Variants in MIA2 observed in about 807,000 individuals in gnomAD.
MIA2 encodes MIA SH3 domain ER export factor 2.
Under a neutral mutation model 167.8 loss-of-function variants are expected in MIA2, and 127 were observed. The observed-to-expected ratio is 0.76, with a 90% CI of 0.66 to 0.88. The LOEUF (loss-of-function observed/expected upper bound fraction) is 0.88, where lower values mean the gene tolerates loss of function less well. Ranked by LOEUF, MIA2 falls within the 40% of genes least tolerant of loss-of-function variation. The probability of loss-of-function intolerance (pLI) is 0.00; values close to 1 mark genes in which losing one functional copy is unlikely to be tolerated. For missense variants in MIA2, 1,690 were observed against 1,624.7 expected, an observed-to-expected ratio of 1.04 and a Z score of -0.69; for synonymous variants, 552 against 541.9, an observed-to-expected ratio of 1.02 and a Z score of -0.26.
At chr14:39,382,333 T>TA (rs2075182289) in intron 23 of MIA2, among the ~76,000 whole-genome samples, 2 of 152,184 alleles carry the variant, frequency 1.3e-5, no homozygotes, top group South Asian at 4.1e-4. Context: ...GGAAATTTGT[T>TA]AAAGGTCAGG....
At chr14:39,346,207 T>A (rs1408375335) in intron 26 of MIA2, among the ~76,000 whole-genome samples, 181 bp downstream of exon 26, 1 of 152,228 alleles carries the variant, frequency 6.6e-6, no homozygotes, top group Non-Finnish European at 1.5e-5. Context: ...GGCATCCAAA[T>A]ATATGTTGGT....
intron 25 of MIA2, among the ~76,000 whole-genome samples, chr14:39,339,470 ACT>A (rs973499775): frequency 1.4e-4 from 22 of 152,176 alleles, no homozygotes; most frequent in African/African-American, 4.3e-4. Flanking sequence ...TAAAATGTTA[ACT>A]CTATATTTTT....
intron 6 of MIA2, chr14:39,266,866 C>T (rs2055783656): frequency 2.6e-6 from 2 of 755,862 alleles, no homozygotes; most frequent in South Asian, 1.2e-4. Flanking sequence ...CGCCGAGACG[C>T]CTCTAGGAGA....
chr14:39,360,003 T>A (rs1006334541), intron 23 of MIA2, among the ~76,000 whole-genome samples: 12 of 151,542 alleles, frequency 7.9e-5, no homozygotes, highest in Non-Finnish European at 8.8e-5. Context: ...TTTTTTTTTT[T>A]TTTTTTTTGT....
intron 14 of MIA2, among the ~76,000 whole-genome samples, chr14:39,300,518 A>G (rs7157291): frequency 2.2e-3 from 341 of 152,234 alleles, no homozygotes; most frequent in African/African-American, 7.7e-3. Context: ...AAGTGTATCA[A>G]ATAATGATAT....
intron 23 of MIA2, among the ~76,000 whole-genome samples, chr14:39,360,982 GT>G (rs2074670030): frequency 6.6e-6 from 1 of 152,064 alleles, no homozygotes; most frequent in African/African-American, 2.4e-5. Context: ...TTATTTCTGG[GT>G]TCTCTACTCT....
chr14:39,266,067 T>C, intron 6 of MIA2: 1 of 985,458 alleles, frequency 1.0e-6, no homozygotes, highest in Non-Finnish European at 1.2e-6. Flanking sequence ...ATTTTTTAAA[T>C]GGCATAACAG....
At chr14:39,273,866 TTCC>T (rs1366790656) in intron 6 of MIA2, among the ~76,000 whole-genome samples, 1 of 152,232 alleles carries the variant, frequency 6.6e-6, no homozygotes, top group Non-Finnish European at 1.5e-5. Context: ...GAAGTATTTC[TTCC>T]TCCTCTATGT....
intron 9 of MIA2, among the ~76,000 whole-genome samples, chr14:39,282,319 T>C (rs1438803517): frequency 1.3e-5 from 2 of 152,244 alleles, no homozygotes; most frequent in Non-Finnish European, 2.9e-5. Flanking sequence ...CAGATAACTT[T>C]GATTTTGTTT....
intron 24 of MIA2, among the ~76,000 whole-genome samples, chr14:39,322,564 A>G (rs2066662925): frequency 6.6e-6 from 1 of 150,524 alleles, no homozygotes; most frequent in African/African-American, 2.4e-5. Flanking sequence ...AAAAAAGTAC[A>G]TTGGGAAACC....
intron 25 of MIA2, among the ~76,000 whole-genome samples, chr14:39,336,730 G>A (rs547261688): frequency 6.6e-6 from 1 of 152,240 alleles, no homozygotes; most frequent in African/African-American, 2.4e-5. Context: ...TTATCTTTTA[G>A]TGTGATTTTA....
At position 39,246,939 on chromosome 14, in the gene MIA2, T is replaced by A. The variant is rs746070884; in HGVS notation, c.365T>A (p.Val122Glu). The change falls in exon 4 of 29, where the codon GTA becomes GAA. Residue 122 changes from valine (V) to glutamate (E), a missense_variant. Coordinates refer to ENST00000640607, the MANE Select transcript of MIA2 (RefSeq NM_001329214.4). ...KESDFLCLLG[V>E]SYTFDNEDSE... ...TCTGACTTTCTTTGTCTTCTTGGAG[T>A]AAGTTACACATTTGACAATGAAGAT... 2 of 1,517,518 alleles carry A rather than the reference T, an allele frequency of 1.3e-6. No individual in the cohort carries two copies. Among genetic ancestry groups the A allele is most frequent in the East Asian group, 4.5e-5 (2 of 43,974 alleles). 94.0% of individuals were successfully genotyped at this position (1,517,518 alleles called of 1,614,324 possible).
At chr14:39,283,984 T>A (rs1442040572) in intron 9 of MIA2, among the ~76,000 whole-genome samples, 3 of 152,212 alleles carry the variant, frequency 2.0e-5, no homozygotes, top group African/African-American at 7.2e-5. Flanking sequence ...TTATTTTTTT[T>A]ACCTTGCAGC....
chr14:39,242,492 T>C (rs2054091410), intron 3 of MIA2, among the ~76,000 whole-genome samples: 1 of 152,058 alleles, frequency 6.6e-6, no homozygotes, highest in African/African-American at 2.4e-5. Context: ...CTGGCTATTT[T>C]TTGTATTTTT....
At chr14:39,307,560 C>G (rs903129197) in intron 17 of MIA2, among the ~76,000 whole-genome samples, 3 of 151,872 alleles carry the variant, frequency 2.0e-5, no homozygotes, top group Non-Finnish European at 4.4e-5. Context: ...CCCCAGCACG[C>G]CTGACTAATT....
In MIA2 at chr14:39,276,990, A is replaced by G. The variant is rs561013872; in HGVS notation, c.1944A>G (p.Pro648=). 1.2e-6 allele frequency: 2 copies of G among 1,613,934 alleles called. No individual in the cohort carries two copies. The highest frequency in any genetic ancestry group is 1.7e-5 in the Admixed American group (1 of 60,012). ...CAGATTCTAATCTTTATGGTTTTCC[A>G]TGGGAATTGGTGATATGTGCAGCTG... ...MRPDSNLYGF[P]WELVICAAVV... Residue 648 remains proline (P), a synonymous_variant, in exon 7 of 29, where the codon CCA becomes CCG. Transcript: ENST00000640607.
intron 25 of MIA2, among the ~76,000 whole-genome samples, chr14:39,329,681 G>T (rs1245851457): frequency 1.3e-5 from 2 of 150,226 alleles, no homozygotes; most frequent in Non-Finnish European, 3.0e-5. Context: ...AGCATGAAGG[G>T]GTGTTGGATT....
At chr14:39,332,051 A>T (rs927509897) in intron 25 of MIA2, among the ~76,000 whole-genome samples, 7 of 152,190 alleles carry the variant, frequency 4.6e-5, no homozygotes, top group African/African-American at 1.7e-4. Flanking sequence ...ACTTGATTCC[A>T]TTCTCCCGAT....
intron 14 of MIA2, 97 bp from the exon 15 acceptor site, chr14:39,302,032 G>A: frequency 7.5e-7 from 1 of 1,332,838 alleles, no homozygotes; most frequent in Non-Finnish European, 1.0e-6. Flanking sequence ...TTATTTATGT[G>A]GACTGATTTT....
Sources: gnomAD v4.1 joint callset for allele counts (sites outside exome capture counted in the v4.1 genomes callset) on GRCh38, gnomAD v4.1.1 for gene constraint, MANE v1.5 for transcripts, NCBI Gene and HGNC (gene_info 2026-07-23, HGNC 2026-07-21) for gene names.